PCBP3: variants seen among roughly 807,000 people sequenced by gnomAD.
PCBP3 encodes the protein poly(rC) binding protein 3, also known as poly(rC)-binding protein 3.
In PCBP3, 25 loss-of-function variants were observed where a neutral mutation model predicts 52.7. The ratio of observed to expected loss-of-function variants is 0.47; its 90% CI spans 0.35 to 0.66. The LOEUF (loss-of-function observed/expected upper bound fraction) is 0.66, where lower values mean the gene tolerates loss of function less well. Among genes scored for constraint, PCBP3 ranks in the 30% least tolerant of loss-of-function variants. The probability of loss-of-function intolerance (pLI) is 0.01; values close to 1 mark genes in which losing one functional copy is unlikely to be tolerated. For missense variants in PCBP3, 391 were observed against 490.3 expected, an observed-to-expected ratio of 0.80 and a Z score of 1.91; for synonymous variants, 162 against 183.0, an observed-to-expected ratio of 0.89 and a Z score of 0.93.
At chr21:45,885,544 C>T (rs546172682) in intron 5 of PCBP3, among the ~76,000 whole-genome samples, 34 of 152,244 alleles carry the variant, frequency 2.2e-4, no homozygotes, top group African/African-American at 8.2e-4. Context: ...TCCCCATGTC[C>T]CACAGGTCTC....
Position 45,909,354 on chromosome 21 carries a change from G to A in PCBP3, c.340-1G>A. On this transcript the variant is annotated splice_acceptor_variant, in intron 9 of 17. Transcript: ENST00000681687. LOFTEE classifies it high-confidence loss of function. ...TGCCAACACACGTGTCTCTCCCCTA[G>A]GATATCATCAACTCCATGAGCAACA... The A allele has an allele frequency of 6.2e-7, 1 of 1,611,886 alleles. No individual in the cohort carries two copies. The highest frequency in any genetic ancestry group is 8.5e-7 in the Non-Finnish European group (1 of 1,179,330).
Position 45,941,752 on chromosome 21 carries a change from A to G in PCBP3, c.*46A>G, listed in dbSNP as rs74660892. 1 of 1,548,718 alleles carries G rather than the reference A, an allele frequency of 6.5e-7. No homozygotes were observed. The highest frequency in any genetic ancestry group is 8.8e-7 in the Non-Finnish European group (1 of 1,134,340). ...CCGCGTCACCCACCTGCCAGAGCCT[A>G]AGGCCCCCGGCTCTCGCACTCTGTA... On this transcript the variant is annotated 3_prime_UTR_variant, in exon 18 of 18. Transcript: ENST00000681687.
chr21:45,915,797 G>A (rs2073299813), intron 12 of PCBP3: 2 of 152,452 alleles, frequency 1.3e-5, no homozygotes. Context: ...TACCCACCCT[G>A]AAGTAACCCA....
At chr21:45,667,045 CCTT>C (rs527574479) in intron 1 of PCBP3, among the ~76,000 whole-genome samples, 33 of 131,314 alleles carry the variant, frequency 2.5e-4, no homozygotes, top group African/African-American at 9.6e-4. Flanking sequence ...TATTTTCTCT[CCTT>C]CTGAGAGTTT....
At chr21:45,814,781 ATGAGTGGTGAGTGAGTGG>A (rs1569258995) in intron 4 of PCBP3, among the ~76,000 whole-genome samples, 11 of 84,876 alleles carry the variant, frequency 1.3e-4, no homozygotes, top group Non-Finnish European at 2.4e-4. Flanking sequence ...GTGGTGAGTG[ATGAGTGGTGAGTGAGTGG>A]TGAGTGGTGA....
chr21:45,861,585 A>T (rs1197465675), intron 5 of PCBP3, among the ~76,000 whole-genome samples: 2 of 151,326 alleles, frequency 1.3e-5, no homozygotes, highest in East Asian at 3.9e-4. Context: ...GCAGAGCGAG[A>T]GTTGTCTTAA....
chr21:45,804,350 C>T (rs73234725), intron 4 of PCBP3, among the ~76,000 whole-genome samples: 5,748 of 152,188 alleles, frequency 0.038, 161 homozygotes, highest in Non-Finnish European at 0.059. Context: ...CTCCTAGTGC[C>T]CACACCATCC....
At position 45,656,568 on chromosome 21, in the gene PCBP3, C is replaced by CA. The variant is rs1389345441; in HGVS notation, c.-278-12306_-278-12305insA. On this transcript the variant is annotated intron_variant, in intron 1 of 17. Coordinates refer to ENST00000681687, the MANE Select transcript of PCBP3 (RefSeq NM_001384156.1). This position sits in a 1 kb window ranked among gnomAD's most constrained non-coding sequence, Gnocchi z 4.3. The stretch of plus-strand genomic sequence containing the variant: ...ATGACGGGTTGATGGGTGCAGCAAA[C>CA]CACCGTGGCATGTGTATACCTGTGT... Among the ~76,000 whole-genome samples, 3 of 152,012 alleles carry CA rather than the reference C, an allele frequency of 2.0e-5. No individual in the cohort carries two copies. Among genetic ancestry groups the CA allele is most frequent in the African/African-American group, 7.3e-5 (3 of 41,360 alleles).
At chr21:45,913,262 G>A (rs1430629482) in intron 11 of PCBP3, among the ~76,000 whole-genome samples, 1 of 152,222 alleles carries the variant, frequency 6.6e-6, no homozygotes, top group Non-Finnish European at 1.5e-5. Flanking sequence ...CGTAACTATG[G>A]GATTTTTTCC....
Position 45,929,994 on chromosome 21 carries a change from C to T in PCBP3, c.795C>T (p.Pro265=), listed in dbSNP as rs371552951. 2.1e-5 allele frequency: 34 copies of T among 1,609,278 alleles called. No individual in the cohort carries two copies. Among genetic ancestry groups the T allele is most frequent in the Admixed American group, 3.3e-5 (2 of 59,974 alleles). ...PPLGQTNPAF[P]GEKLPLHSSE... is the part of the protein sequence containing the mutation. ...TCGGACAGACCAACCCCGCTTTCCCCGGTACGTACCCAGCCCTTTTCTCAC... is the reference window on the plus strand; with the variant it reads ...TCGGACAGACCAACCCCGCTTTCCCTGGTACGTACCCAGCCCTTTTCTCAC... The change falls in exon 14 of 18, where the codon CCC becomes CCT. Residue 265 remains proline, a splice_region_variant and synonymous_variant. Coordinates refer to ENST00000681687, the MANE Select transcript of PCBP3 (RefSeq NM_001384156.1).
chr21:45,764,507 G>T (rs2089094274), intron 4 of PCBP3, among the ~76,000 whole-genome samples: 1 of 152,350 alleles, frequency 6.6e-6, no homozygotes, highest in East Asian at 1.9e-4. Context: ...AGTGAGGGGT[G>T]CTGCATGTTC....
intron 4 of PCBP3, among the ~76,000 whole-genome samples, chr21:45,838,976 C>T (rs182692389): frequency 2.8e-4 from 42 of 152,294 alleles, no homozygotes; most frequent in Non-Finnish European, 4.9e-4. Flanking sequence ...AGTTCCCTTC[C>T]TTCTCCTGTA....
chr21:45,699,331 G>A (rs1300087488), intron 2 of PCBP3, among the ~76,000 whole-genome samples: 3 of 152,118 alleles, frequency 2.0e-5, no homozygotes, highest in Non-Finnish European at 4.4e-5. Flanking sequence ...TCCTGCGATT[G>A]ATTCTTGAAT....
Position 45,889,864 on chromosome 21 carries a change from G to A in PCBP3, c.11-6344G>A, listed in dbSNP as rs201129006. Among the ~76,000 whole-genome samples, 44 of 152,366 alleles carry A rather than the reference G, an allele frequency of 2.9e-4. No individual in the cohort carries two copies. In the East Asian group the frequency reaches 8.5e-3, roughly 29 times the overall value. On this transcript the variant is annotated intron_variant, in intron 5 of 17. Coordinates refer to ENST00000681687, the MANE Select transcript of PCBP3 (RefSeq NM_001384156.1). ...GATCCCCCCAGATTCTCTCCAGTGT[G>A]ACTTTAAGGAAAAGATACTTATGAA... is the stretch of plus-strand genomic sequence containing the variant.
chr21:45,816,334 T>C (rs1344560159), intron 4 of PCBP3, among the ~76,000 whole-genome samples: 3 of 152,094 alleles, frequency 2.0e-5, no homozygotes, highest in Admixed American at 6.5e-5. Context: ...TTGACTCTTT[T>C]GTAATAACGC....
Position 45,853,042 on chromosome 21 carries a change from C to T in PCBP3, c.10+2947C>T, listed in dbSNP as rs752086143. Among the ~76,000 whole-genome samples, 21 of 152,154 alleles carry T rather than the reference C, an allele frequency of 1.4e-4. No homozygotes were observed. Among genetic ancestry groups the T allele is most frequent in the Non-Finnish European group, 2.6e-4 (18 of 68,016 alleles). ...TTCCCACAGCTGAGACCAGCAGGAG[C>T]GGGCAGTGGACTCGCACCAGGCATT... On this transcript the variant is annotated intron_variant, in intron 5 of 17. Coordinates refer to ENST00000681687, the MANE Select transcript of PCBP3 (RefSeq NM_001384156.1). The surrounding 1 kb of genome is among the most constrained non-coding windows in gnomAD (Gnocchi z 4.6).
intron 4 of PCBP3, among the ~76,000 whole-genome samples, chr21:45,774,388 CAAAAAAAAAA>C (rs902926846): frequency 9.2e-6 from 1 of 108,798 alleles, no homozygotes; most frequent in Non-Finnish European, 1.9e-5. Context: ...GACTCCATCT[CAAAAAAAAAA>C]AAAAGAAAAA....
chr21:45,801,395 T>G (rs990856673), intron 4 of PCBP3, among the ~76,000 whole-genome samples: 2 of 152,176 alleles, frequency 1.3e-5, no homozygotes, highest in African/African-American at 4.8e-5. Context: ...GCAGGGCCCC[T>G]GGGTGCACAA....
intron 1 of PCBP3, among the ~76,000 whole-genome samples, chr21:45,659,503 C>G (rs1487542676): frequency 4.6e-5 from 7 of 152,008 alleles, no homozygotes; most frequent in Non-Finnish European, 7.4e-5. Context: ...GTGCATTCCC[C>G]TACACCTGGC....
Sources: gnomAD v4.1 joint callset for allele counts (sites outside exome capture counted in the v4.1 genomes callset) on GRCh38, gnomAD v4.1.1 for gene constraint, Gnocchi (gnomAD v3.1) non-coding constraint, MANE v1.5 for transcripts, NCBI Gene and HGNC (gene_info 2026-07-23, HGNC 2026-07-21) for gene names.